The following LPP variants were observed in gnomAD, a reference collection of about 807,000 sequenced individuals.
LPP encodes LIM domain containing preferred translocation partner in lipoma.
A neutral mutation model predicts 60.4 loss-of-function variants in LPP; 38 were observed. The ratio of observed to expected loss-of-function variants is 0.63; its 90% CI spans 0.49 to 0.83. LPP has a LOEUF of 0.83. Ranked by LOEUF, LPP falls within the 40% of genes least tolerant of loss-of-function variation. LPP has a pLI of 0.00. For synonymous variants in LPP, 328 were observed against 290.8 expected, an observed-to-expected ratio of 1.13 and a Z score of -1.30; for missense variants, 902 against 783.6, an observed-to-expected ratio of 1.15 and a Z score of -1.80.
At chr3:188,541,011 A>G (rs998315285) in intron 6 of LPP, among the ~76,000 whole-genome samples, 3 of 152,200 alleles carry the variant, frequency 2.0e-5, no homozygotes, top group Non-Finnish European at 2.9e-5. Context: ...GTTGATTGCT[A>G]GAATGTTTCT....
Position 188,881,206 on chromosome 3 carries a change from T to C in LPP, c.*6727T>C, listed in dbSNP as rs1388377668. The C allele has an allele frequency of 5.6e-5, 10 of 178,166 alleles. No homozygotes were observed. The East Asian group carries it at 8.4e-4, about 15-fold the overall frequency. The allele number at this position is 178,166 out of a possible 1,614,324, so 11.0% of individuals were successfully genotyped here. A position where few individuals can be genotyped will look rare whatever the true frequency, so the allele number is the denominator to read the frequency against. ...ATCTGAATCTTCTCTGTTATTTTCC[T>C]GATGAATCACCATCCCATATCTTCT... is the stretch of plus-strand genomic sequence containing the variant. On this transcript the variant is annotated 3_prime_UTR_variant, in exon 12 of 12. Coordinates refer to ENST00000617246, the MANE Select transcript of LPP (RefSeq NM_001375462.1).
chr3:188,340,364 A>G (rs946932627), intron 2 of LPP, among the ~76,000 whole-genome samples: 5 of 150,374 alleles, frequency 3.3e-5, no homozygotes, highest in African/African-American at 1.2e-4. Context: ...GTAGATGACA[A>G]GTTTCTTGCA....
At chr3:188,671,648 A>G (rs187370667) in intron 7 of LPP, among the ~76,000 whole-genome samples, 22 of 152,180 alleles carry the variant, frequency 1.4e-4, no homozygotes, top group Admixed American at 1.4e-3. Context: ...GCAGTTGCCT[A>G]TGTTATTTTT....
chr3:188,267,132 G>A (rs532566440), intron 2 of LPP, among the ~76,000 whole-genome samples: 42 of 152,292 alleles, frequency 2.8e-4, no homozygotes, highest in African/African-American at 6.0e-4. Flanking sequence ...GTGGAGAGAC[G>A]TGAAGGGGTC....
chr3:188,458,346 T>C (rs1057159144), intron 4 of LPP, among the ~76,000 whole-genome samples: 2 of 152,236 alleles, frequency 1.3e-5, no homozygotes, highest in African/African-American at 2.4e-5. Context: ...GTTGTCTGCA[T>C]TTTTATAAAA....
At chr3:188,364,142 A>T (rs1318418258) in intron 3 of LPP, among the ~76,000 whole-genome samples, 2 of 152,140 alleles carry the variant, frequency 1.3e-5, no homozygotes, top group Non-Finnish European at 2.9e-5. Flanking sequence ...GGGGATTCAG[A>T]GTTATTACCA....
At chr3:188,548,381 C>T (rs1172058591) in intron 6 of LPP, among the ~76,000 whole-genome samples, 1 of 152,092 alleles carries the variant, frequency 6.6e-6, no homozygotes, top group Non-Finnish European at 1.5e-5. Context: ...CACCTCAGGT[C>T]CCAAAAGGAG....
intron 3 of LPP, among the ~76,000 whole-genome samples, chr3:188,401,366 C>G (rs1782203705): frequency 6.6e-6 from 1 of 152,138 alleles, no homozygotes; most frequent in African/African-American, 2.4e-5. Flanking sequence ...ACAGAAATGC[C>G]TTGCTTCATA....
intron 3 of LPP, among the ~76,000 whole-genome samples, chr3:188,379,534 A>G (rs576994807): frequency 6.6e-6 from 1 of 152,330 alleles, no homozygotes; most frequent in East Asian, 1.9e-4. Context: ...CAAAACAACA[A>G]CAACAACAAA....
At chr3:188,520,223 A>G (rs6782121) in intron 5 of LPP, among the ~76,000 whole-genome samples, 98,766 of 152,126 alleles carry the variant, frequency 0.65, 35,511 homozygotes, top group East Asian at 0.82. Flanking sequence ...GTTTATTCAT[A>G]GGATTTTTGT....
chr3:188,590,298 C>A (rs1266371671), intron 6 of LPP, among the ~76,000 whole-genome samples: 1 of 152,042 alleles, frequency 6.6e-6, no homozygotes, highest in African/African-American at 2.4e-5. Context: ...CTTGGCCAGG[C>A]GCTGTGGCTC....
intron 2 of LPP, among the ~76,000 whole-genome samples, chr3:188,233,382 G>A (rs1321368418): frequency 6.6e-6 from 1 of 152,180 alleles, no homozygotes; most frequent in Non-Finnish European, 1.5e-5. Flanking sequence ...AAATGGAAGT[G>A]TCTCTGGGAC....
intron 2 of LPP, among the ~76,000 whole-genome samples, chr3:188,252,075 TACACACACACAC>T (rs1187257468): frequency 1.7e-5 from 1 of 58,510 alleles, no homozygotes; most frequent in Non-Finnish European, 3.0e-5. Flanking sequence ...TATATATATA[TACACACACACAC>T]ACACATATAT....
At chr3:188,611,665 A>G (rs1398513519) in intron 7 of LPP, among the ~76,000 whole-genome samples, 2 of 152,232 alleles carry the variant, frequency 1.3e-5, no homozygotes. Context: ...AAGGAATGAC[A>G]TGGTGTCTGC....
intron 2 of LPP, among the ~76,000 whole-genome samples, chr3:188,256,562 T>C (rs1241556022): frequency 2.7e-5 from 4 of 149,712 alleles, no homozygotes; most frequent in African/African-American, 7.7e-5. Flanking sequence ...CTATTTAAGA[T>C]TTTTTTTCAC....
chr3:188,632,930 C>T (rs77112901), intron 7 of LPP, among the ~76,000 whole-genome samples: 10 of 152,156 alleles, frequency 6.6e-5, no homozygotes, highest in East Asian at 3.9e-4. Context: ...CTCTCATAGA[C>T]GACATAGAAG....
intron 7 of LPP, among the ~76,000 whole-genome samples, chr3:188,664,585 A>G (rs920129407): frequency 9.2e-5 from 14 of 151,916 alleles, no homozygotes; most frequent in Admixed American, 9.2e-4. Flanking sequence ...TTGGTGGGGA[A>G]GATGGATATA....
intron 7 of LPP, among the ~76,000 whole-genome samples, chr3:188,686,001 G>A (rs749550130): frequency 6.6e-6 from 1 of 152,134 alleles, no homozygotes; most frequent in Non-Finnish European, 1.5e-5. Flanking sequence ...ATGTGTATGA[G>A]GGCAGGCTTT....
At chr3:188,495,123 T>A (rs1187018274) in intron 5 of LPP, among the ~76,000 whole-genome samples, 29 of 133,578 alleles carry the variant, frequency 2.2e-4, no homozygotes, top group South Asian at 6.9e-4. Context: ...ATATTTATAT[T>A]TATATTTTAT....
Sources: allele counts gnomAD v4.1 joint callset (sites outside exome capture counted in the v4.1 genomes callset), GRCh38; gene constraint gnomAD v4.1.1; transcripts MANE v1.5; gene names NCBI Gene and HGNC (gene_info 2026-07-23, HGNC 2026-07-21).